SCGB2B2: variants seen among roughly 807,000 people sequenced by gnomAD.
SCGB2B2 encodes secretoglobin-like protein.
SCGB2B2 carries 11 observed loss-of-function variants against 7.6 expected under a neutral mutation model. The observed-to-expected ratio is 1.45, with a 90% CI of 0.91 to 2.40. The LOEUF (loss-of-function observed/expected upper bound fraction) is 2.40, where lower values mean the gene tolerates loss of function less well. Ranked by LOEUF, SCGB2B2 falls within the 30% of genes most tolerant of loss-of-function variation. The pLI, the probability that SCGB2B2 is intolerant of heterozygous loss-of-function variation, is 0.00. For synonymous variants in SCGB2B2, 50 were observed against 48.6 expected, an observed-to-expected ratio of 1.03 and a Z score of -0.12; for missense variants, 104 against 115.4, an observed-to-expected ratio of 0.90 and a Z score of 0.45.
chr19:34,585,535 TAAAG>T, the SCGB2B2 span, among the ~76,000 whole-genome samples: 32 of 152,096 alleles, frequency 2.1e-4, no homozygotes, highest in African/African-American at 3.1e-4. Flanking sequence ...AACATTGCAG[TAAAG>T]AAAGAGTTTA....
chr19:34,653,938 T>C (rs1196384453), intron 1 of SCGB2B2, among the ~76,000 whole-genome samples: 3 of 150,752 alleles, frequency 2.0e-5, no homozygotes, highest in Admixed American at 2.0e-4. Context: ...ACCACTCGTA[T>C]TTAACATGGT....
In SCGB2B2 at chr19:34,636,311, G is replaced by C. The variant is rs141471382; in HGVS notation, c.-2032+39319C>G. 4.1e-3 allele frequency among the ~76,000 whole-genome samples: 626 copies of C among 152,302 alleles called. 8 individuals are homozygous for C. Among genetic ancestry groups the C allele is most frequent in the African/African-American group, 0.014 (602 of 41,568 alleles). On this transcript the variant is annotated intron_variant, in intron 1 of 3. Coordinates refer to ENST00000601241, the MANE Select transcript of SCGB2B2 (RefSeq NM_001025591.4). Reference sequence around the variant, plus strand: ...GGCTACGGGGGTTACAGGTGACAAAGAGTCTACTGTGCTAAGCCTGGCATC... The same window carrying C: ...GGCTACGGGGGTTACAGGTGACAAACAGTCTACTGTGCTAAGCCTGGCATC...
At chr19:34,614,881 T>C (rs1049141361) in intron 1 of SCGB2B2, among the ~76,000 whole-genome samples, 1 of 152,240 alleles carries the variant, frequency 6.6e-6, no homozygotes, top group African/African-American at 2.4e-5. Context: ...TGTTGAATGT[T>C]ATCAATAACT....
intron 1 of SCGB2B2, among the ~76,000 whole-genome samples, chr19:34,652,252 A>G (rs2067180532): frequency 6.6e-6 from 1 of 151,334 alleles, no homozygotes; most frequent in Non-Finnish European, 1.5e-5. Flanking sequence ...AGCACAGGCA[A>G]CAAAAGCAAA....
chr19:34,621,487 A>G (rs886544242), intron 1 of SCGB2B2, among the ~76,000 whole-genome samples: 5 of 151,652 alleles, frequency 3.3e-5, no homozygotes, highest in African/African-American at 1.2e-4. Context: ...ATCAGAAGCT[A>G]TCTAGGGCCT....
rs150712511 is a variant in SCGB2B2, at chr19:34,637,405, A to C, written c.-2032+38225T>G. Among the ~76,000 whole-genome samples the C allele has an allele frequency of 1.5e-3, 234 of 152,302 alleles. 2 individuals carry two copies. The highest frequency in any genetic ancestry group is 5.4e-3 in the African/African-American group (225 of 41,560). Reference sequence around the variant, plus strand: ...TGTCCACAGCCTGGCTGTGGGAAGGAAACAGCAGCTCCTGGAAAAAAGCGG... The same window carrying C: ...TGTCCACAGCCTGGCTGTGGGAAGGCAACAGCAGCTCCTGGAAAAAAGCGG... On this transcript the variant is annotated intron_variant, in intron 1 of 3. Transcript: ENST00000601241.
chr19:34,606,138 A>G (rs1157006822), intron 1 of SCGB2B2, among the ~76,000 whole-genome samples: 2 of 151,882 alleles, frequency 1.3e-5, no homozygotes, highest in African/African-American at 4.8e-5. Context: ...AAAATTTTAC[A>G]TAGTTACTAA....
chr19:34,599,070 C>A (rs1053613612), intron 1 of SCGB2B2, among the ~76,000 whole-genome samples: 2 of 152,264 alleles, frequency 1.3e-5, no homozygotes, highest in Admixed American at 1.3e-4. Flanking sequence ...TTGCTTTTCT[C>A]CTGCACTGGG....
intron 1 of SCGB2B2, among the ~76,000 whole-genome samples, chr19:34,656,828 AT>A (rs1270900110): frequency 6.6e-6 from 1 of 151,278 alleles, no homozygotes; most frequent in African/African-American, 2.5e-5. Context: ...TTTATGTAAG[AT>A]AAAATGCTAT....
chr19:34,621,178 C>T (rs191193180), intron 1 of SCGB2B2, among the ~76,000 whole-genome samples: 6 of 152,130 alleles, frequency 3.9e-5, no homozygotes, highest in Admixed American at 3.9e-4. Context: ...TTTGTATAAC[C>T]ATTACACACA....
intron 1 of SCGB2B2, among the ~76,000 whole-genome samples, chr19:34,649,677 C>A (rs998903205): frequency 1.3e-5 from 2 of 151,930 alleles, no homozygotes; most frequent in Non-Finnish European, 2.9e-5. Flanking sequence ...GGTGAAACCC[C>A]GTCTCCACTA....
chr19:34,632,917 ACACCC>A (rs1486044453), intron 1 of SCGB2B2: 1 of 152,354 alleles, frequency 6.6e-6, no homozygotes, highest in Non-Finnish European at 1.5e-5. Flanking sequence ...TCCAACTCTC[ACACCC>A]CACGCCAATA....
chr19:34,636,037 G>A (rs2145974832), intron 1 of SCGB2B2, among the ~76,000 whole-genome samples: 1 of 152,352 alleles, frequency 6.6e-6, no homozygotes, highest in African/African-American at 2.4e-5. Context: ...CACAAGGGGA[G>A]GCTTTCTGGG....
rs1170376236 is a variant in SCGB2B2 at position 34,676,453 on chromosome 19, TC to T, written c.-2856del. The stretch of plus-strand genomic sequence containing the variant: ...GAGAAATTGAAATTGCCCACCTCTT[TC>T]CTGGAAAACTCATGAATAATCCACC... On this transcript the variant is annotated 5_prime_UTR_variant, in exon 1 of 4. It removes the in-frame stop codon of an upstream open reading frame in the 5' UTR. Transcript: ENST00000601241. 6.6e-6 allele frequency: 1 copy of T among 152,204 alleles called. No individual in the cohort carries two copies. Among genetic ancestry groups the T allele is most frequent in the Non-Finnish European group, 1.5e-5 (1 of 68,048 alleles). The allele number at this position is 152,204 out of a possible 1,614,324, so 9.4% of individuals were successfully genotyped here.
intron 1 of SCGB2B2, among the ~76,000 whole-genome samples, chr19:34,597,726 A>G (rs1173392801): frequency 3.9e-5 from 6 of 152,164 alleles, no homozygotes; most frequent in Non-Finnish European, 8.8e-5. Context: ...TTCAGAGGGA[A>G]GACAACAATT....
At chr19:34,609,498 G>C (rs1393942993) in intron 1 of SCGB2B2, among the ~76,000 whole-genome samples, 2 of 152,046 alleles carry the variant, frequency 1.3e-5, no homozygotes, top group Non-Finnish European at 2.9e-5. Context: ...GGAAAAATAT[G>C]ATTAGAGATG....
intron 1 of SCGB2B2, among the ~76,000 whole-genome samples, chr19:34,618,956 A>G (rs573247170): frequency 4.6e-5 from 7 of 152,372 alleles, no homozygotes; most frequent in African/African-American, 1.4e-4. Context: ...AAGTCATAGA[A>G]GCAGTTTATG....
chr19:34,593,457 A>T lies in SCGB2B2; in HGVS notation c.*98T>A. On this transcript the variant is annotated 3_prime_UTR_variant, in exon 4 of 4. Transcript: ENST00000601241. ...ACACAGAACTGAGCTGCAGGTGTTC[A>T]TTGGGGTCTCTGTAGTGATGAACAG... is the stretch of plus-strand genomic sequence containing the variant. 1.1e-6 allele frequency: 1 copy of T among 875,124 alleles called. No homozygotes were observed. Among genetic ancestry groups the T allele is most frequent in the Non-Finnish European group, 1.8e-6 (1 of 545,074 alleles). The allele number at this position is 875,124 out of a possible 1,614,324, so 54.2% of individuals were successfully genotyped here.
At chr19:34,590,606 C>G (rs959927476), downstream of SCGB2B2, among the ~76,000 whole-genome samples, 1 of 152,170 alleles carries the variant, frequency 6.6e-6, no homozygotes, top group Non-Finnish European at 1.5e-5. Context: ...CCATATAGTG[C>G]TAGGTTAATA....
Sources: allele counts gnomAD v4.1 joint callset (sites outside exome capture counted in the v4.1 genomes callset), GRCh38; gene constraint gnomAD v4.1.1; transcripts MANE v1.5; gene names NCBI Gene and HGNC (gene_info 2026-07-23, HGNC 2026-07-21).